The following ACBD4 variants were observed in gnomAD, a reference collection of about 807,000 sequenced individuals.
The protein encoded by ACBD4 is acyl-CoA binding domain containing 4.
Under a neutral mutation model 46.0 loss-of-function variants are expected in ACBD4, and 41 were observed. The observed-to-expected ratio is 0.89, with a 90% CI of 0.69 to 1.16. The LOEUF is 1.16. ACBD4 is among the 50% of genes most tolerant of loss of function. The probability of loss-of-function intolerance (pLI) is 0.00; values close to 1 mark genes in which losing one functional copy is unlikely to be tolerated. For synonymous variants in ACBD4, 162 were observed against 155.9 expected, an observed-to-expected ratio of 1.04 and a Z score of -0.29; for missense variants, 393 against 399.5, an observed-to-expected ratio of 0.98 and a Z score of 0.14.
intron 5 of ACBD4, 34 bp downstream of exon 5, chr17:45,137,173 T>G: frequency 6.2e-7 from 1 of 1,613,772 alleles, no homozygotes; most frequent in African/African-American, 1.3e-5. Context: ...CCAAAAGTGC[T>G]GAGTGAACCG....
At chr17:45,140,739 G>C (rs537929027) in intron 9 of ACBD4, among the ~76,000 whole-genome samples, 1 of 152,048 alleles carries the variant, frequency 6.6e-6, no homozygotes, top group East Asian at 1.9e-4. Flanking sequence ...TAGGCTGGGC[G>C]TGGTGGCTCA....
intron 9 of ACBD4, among the ~76,000 whole-genome samples, chr17:45,142,358 A>G (rs2055329799): frequency 1.7e-5 from 2 of 120,412 alleles, no homozygotes; most frequent in Admixed American, 2.2e-4. Context: ...ACGCCATTGC[A>G]CTCTAGCCTG....
chr17:45,139,371 C>T (rs1392861694), intron 9 of ACBD4, among the ~76,000 whole-genome samples: 2 of 152,130 alleles, frequency 1.3e-5, no homozygotes, highest in Non-Finnish European at 2.9e-5. Flanking sequence ...TGGGTGGGGC[C>T]CTTTGCCGTT....
upstream of ACBD4, among the ~76,000 whole-genome samples, chr17:45,135,127 G>T (rs141182698): frequency 0.011 from 1,724 of 152,106 alleles, 26 homozygotes; most frequent in African/African-American, 0.038. Context: ...CACCACGCCC[G>T]GCTAATTTGT....
intron 9 of ACBD4, among the ~76,000 whole-genome samples, chr17:45,141,279 C>T (rs1189002321): frequency 1.3e-5 from 2 of 152,134 alleles, no homozygotes; most frequent in African/African-American, 4.8e-5. Flanking sequence ...CCAGTCTGGG[C>T]TGGTGTCCTA....
rs746296351 is a variant in ACBD4, at chr17:45,143,414, G to A, written c.790-29G>A. ...GGAGGCTGTGCTGAGGCCTGGACTG[G>A]CCTCTGACTCCCTCCCTCTTGGCTG... On this transcript the variant is annotated intron_variant, in intron 9 of 9. Coordinates refer to ENST00000321854, the MANE Select transcript of ACBD4 (RefSeq NM_001135705.3). The A allele has an allele frequency of 1.8e-5, 29 of 1,578,782 alleles. No homozygotes were observed. The East Asian group carries it at 6.1e-4, about 33-fold the overall frequency.
Position 45,143,554 on chromosome 17 carries a change from C to G in ACBD4, c.901C>G (p.Arg301Gly). 1 of 1,614,090 alleles carries G rather than the reference C, an allele frequency of 6.2e-7. No individual in the cohort carries two copies. The highest frequency in any genetic ancestry group is 1.7e-5 in the Admixed American group (1 of 60,018). The change falls in exon 10 of 10, where the codon CGG (arginine) becomes GGG (glycine). Residue 301 changes from arginine (R) to glycine (G), a missense_variant. Around this residue, in one of 3 missense-constraint regions of ACBD4, gnomAD observed 308 missense variants for 301.8 expected, o/e 1.02. Coordinates refer to ENST00000321854, the MANE Select transcript of ACBD4 (RefSeq NM_001135705.3). ...FVVQWLFRMF[R>G]TQKR ...CGTCCAGTGGCTCTTCCGAATGTTT[C>G]GGACCCAAAAGAGGTGACTGTCAGT...
chr17:45,143,067 G>A, intron 9 of ACBD4: 1 of 172,066 alleles, frequency 5.8e-6, no homozygotes, highest in South Asian at 1.8e-4. Flanking sequence ...CTCCTTTTTA[G>A]TGGAGAATGA....
chr17:45,136,033 C>G, intron 1 of ACBD4, 75 bp from the exon 2 acceptor site: 1 of 1,133,100 alleles, frequency 8.8e-7, no homozygotes, highest in Non-Finnish European at 1.3e-6. Flanking sequence ...GTTTGCCCCT[C>G]TGGGAAGTGA....
At position 45,143,637 on chromosome 17, in the gene ACBD4, T is replaced by C; in HGVS notation, c.*66T>C. 2 of 1,611,682 alleles carry C rather than the reference T, an allele frequency of 1.2e-6. No homozygotes were observed. Among genetic ancestry groups the C allele is most frequent in the South Asian group, 2.2e-5 (2 of 90,970 alleles). On this transcript the variant is annotated 3_prime_UTR_variant, in exon 10 of 10. Coordinates refer to ENST00000321854, the MANE Select transcript of ACBD4 (RefSeq NM_001135705.3). ...TGCTGTGCCCTGAGCCTTCCTAGGGTTTAGAAGAACAGCATTCAAAATTCC... is the reference window on the plus strand; with the variant it reads ...TGCTGTGCCCTGAGCCTTCCTAGGGCTTAGAAGAACAGCATTCAAAATTCC...
At chr17:45,138,911 C>T (rs1371491975) in intron 8 of ACBD4, 110 bp from the exon 9 acceptor site, 16 of 1,173,780 alleles carry the variant, frequency 1.4e-5, no homozygotes, top group African/African-American at 3.0e-5. Flanking sequence ...CTTGGTACAG[C>T]GACTGGGTTC....
Position 45,137,789 on chromosome 17 carries a change from G to A in ACBD4, c.532G>A (p.Glu178Lys), listed in dbSNP as rs779272057. 50 of 1,613,854 alleles carry A rather than the reference G, an allele frequency of 3.1e-5. No individual in the cohort carries two copies. Among genetic ancestry groups the A allele is most frequent in the Admixed American group, 8.3e-5 (5 of 59,998 alleles). The change falls in exon 7 of 10, where the codon GAG becomes AAG. Residue 178 changes from glutamate (E) to lysine (K), a missense_variant. Glu to Lys is a moderately conservative substitution (Grantham distance 56, BLOSUM62 1). This residue lies in a region of ACBD4 where 308 missense variants were observed against 301.8 expected (regional missense o/e 1.02). Transcript: ENST00000321854. Reference protein sequence around the residue: ...ESHSPRDLDSEVFCDSLEQLE... With the variant: ...ESHSPRDLDSKVFCDSLEQLE... ...CCATTCACCCAGGGACCTGGACTCC[G>A]AGGTTTTCTGTGATTCCCTGGAGCA...
At chr17:45,140,338 A>G (rs2055191302) in intron 9 of ACBD4, among the ~76,000 whole-genome samples, 1 of 150,512 alleles carries the variant, frequency 6.6e-6, no homozygotes. Context: ...CAGCACCACC[A>G]TGCCCAGATA....
chr17:45,138,991 C>T (rs1455781058), intron 8 of ACBD4, 30 bp from the exon 9 acceptor site: 1 of 1,610,420 alleles, frequency 6.2e-7, no homozygotes, highest in South Asian at 1.1e-5. Context: ...GCCTCCTGAG[C>T]CCCCTTCCCT....
At chr17:45,139,428 C>T (rs1223920572) in intron 9 of ACBD4, among the ~76,000 whole-genome samples, 3 of 152,176 alleles carry the variant, frequency 2.0e-5, no homozygotes, top group East Asian at 1.9e-4. Context: ...GGACTAATCC[C>T]GTGTGGGAAG....
chr17:45,132,191 G>A, upstream of ACBD4: 1 of 1,236,542 alleles, frequency 8.1e-7, no homozygotes, highest in Non-Finnish European at 1.0e-6. The surrounding 1 kb of genome is among the most constrained non-coding windows in gnomAD (Gnocchi z 4.6). Flanking sequence ...GAGCGCCCCA[G>A]ACTGGGCCTC....
chr17:45,139,127 G>C lies in ACBD4; in HGVS notation c.756G>C (p.Gln252His). 6.2e-7 allele frequency: 1 copy of C among 1,613,780 alleles called. No homozygotes were observed. Among genetic ancestry groups the C allele is most frequent in the African/African-American group, 1.3e-5 (1 of 75,048 alleles). Reference sequence around the variant, plus strand: ...TGCAGGAGGTGCAGGCGAGGGTGCAGAGCCTGGAGAGCATGCCCCGGCCCC... The same window carrying C: ...TGCAGGAGGTGCAGGCGAGGGTGCACAGCCTGGAGAGCATGCCCCGGCCCC... ...ESMQEVQARV[Q>H]SLESMPRPPE... Residue 252 changes from glutamine (Q) to histidine (H), a missense_variant, in exon 9 of 10, where the codon CAG becomes CAC. By Grantham distance (24) the Gln-to-His change is conservative. Around this residue, in one of 3 missense-constraint regions of ACBD4, gnomAD observed 308 missense variants for 301.8 expected, o/e 1.02. Coordinates refer to ENST00000321854, the MANE Select transcript of ACBD4 (RefSeq NM_001135705.3).
intron 8 of ACBD4, 87 bp downstream of exon 8, chr17:45,138,075 C>A: frequency 7.3e-7 from 1 of 1,369,646 alleles, no homozygotes; most frequent in Non-Finnish European, 1.0e-6. Flanking sequence ...CTTCCTAGGG[C>A]AGAGTTGAAA....
In ACBD4 at chr17:45,139,036, G is replaced by A. The variant is rs753913162; in HGVS notation, c.665G>A (p.Ser222Asn). The A allele has an allele frequency of 1.2e-6, 2 of 1,613,244 alleles. No homozygotes were observed. Among genetic ancestry groups the A allele is most frequent in the South Asian group, 1.1e-5 (1 of 91,058 alleles). ...TGCTCCGCAGAGGGGTTGCGGGGCA[G>A]CCCGCCGGGGCCCCAGGAGTTGGAC... ...PPTKKEGLRGSPPGPQELDVW... is the reference protein window; with the variant it reads ...PPTKKEGLRGNPPGPQELDVW... Residue 222 changes from serine (S) to asparagine (N), a missense_variant, in exon 9 of 10, where the codon AGC becomes AAC. By Grantham distance (46) the Ser-to-Asn change is conservative. Around this residue, in one of 3 missense-constraint regions of ACBD4, gnomAD observed 308 missense variants for 301.8 expected, o/e 1.02. Transcript: ENST00000321854.
Sources: allele counts gnomAD v4.1 joint callset (sites outside exome capture counted in the v4.1 genomes callset), GRCh38; gene constraint gnomAD v4.1.1; regional missense constraint gnomAD v4.1.1; non-coding constraint Gnocchi (gnomAD v3.1); transcripts MANE v1.5; gene names NCBI Gene and HGNC (gene_info 2026-07-23, HGNC 2026-07-21).